FADS2: variants seen among roughly 807,000 people sequenced by gnomAD.
FADS2 encodes fatty acid desaturase 2.
Under a neutral mutation model 61.2 loss-of-function variants are expected in FADS2, and 18 were observed. The observed-to-expected ratio is 0.29, with a 90% CI of 0.20 to 0.44. The LOEUF (loss-of-function observed/expected upper bound fraction) is 0.44, where lower values mean the gene tolerates loss of function less well. Ranked by LOEUF, FADS2 falls within the 20% of genes least tolerant of loss-of-function variation. The pLI is 1.00. For missense variants in FADS2, 322 were observed against 572.7 expected, an observed-to-expected ratio of 0.56 and a Z score of 4.47; for synonymous variants, 203 against 223.9, an observed-to-expected ratio of 0.91 and a Z score of 0.83.
intron 1 of FADS2, among the ~76,000 whole-genome samples, chr11:61,819,109 C>T (rs755037118): frequency 5.9e-5 from 9 of 152,038 alleles, no homozygotes; most frequent in African/African-American, 1.7e-4. Context: ...CTCCTGACCT[C>T]GTGATCTGCC....
At position 61,865,672 on chromosome 11, in the gene FADS2, G is replaced by A; in HGVS notation, c.1318G>A (p.Ala440Thr). The change falls in exon 12 of 12, where the codon GCC becomes ACC. Residue 440 changes from alanine to threonine, a missense_variant. Around this residue, in one of 3 missense-constraint regions of FADS2, gnomAD observed 221 missense variants for 427.9 expected, o/e 0.52. Transcript: ENST00000278840. This position sits in a 1 kb window ranked among gnomAD's most constrained non-coding sequence, Gnocchi z 4.1. ...GAAGTCTGGGAAGCTGTGGCTGGAC[G>A]CCTACCTTCACAAATGAAGCCACAG... Reference protein sequence around the residue: ...LKKSGKLWLDAYLHK With the variant: ...LKKSGKLWLDTYLHK 6.2e-7 allele frequency: 1 copy of A among 1,612,340 alleles called. No homozygotes were observed. The highest frequency in any genetic ancestry group is 2.2e-5 in the East Asian group (1 of 44,846).
chr11:61,821,483 T>C, intron 1 of FADS2: 3 of 695,672 alleles, frequency 4.3e-6, no homozygotes, highest in Middle Eastern at 2.3e-4. Flanking sequence ...GTTCAAATTT[T>C]GATCCATTTT....
At chr11:61,827,142 C>A (rs1021370569), upstream of FADS2, among the ~76,000 whole-genome samples, 1 of 152,202 alleles carries the variant, frequency 6.6e-6, no homozygotes, top group African/African-American at 2.4e-5. The surrounding 1 kb of genome is among the most constrained non-coding windows in gnomAD (Gnocchi z 4.5). Context: ...CCCCAGGACG[C>A]CCGGCACTAA....
chr11:61,827,249 T>C (rs1462160014), upstream of FADS2: 2 of 152,252 alleles, frequency 1.3e-5, no homozygotes, highest in African/African-American at 4.8e-5. The surrounding 1 kb of genome is among the most constrained non-coding windows in gnomAD (Gnocchi z 4.5). Flanking sequence ...CAGTCTTTAT[T>C]TGCTGGAGTC....
In FADS2 at chr11:61,865,834, C is replaced by T; in HGVS notation, c.*145C>T. 1 of 684,126 alleles carries T rather than the reference C, an allele frequency of 1.5e-6. No homozygotes were observed. Among genetic ancestry groups the T allele is most frequent in the Non-Finnish European group, 2.5e-6 (1 of 392,518 alleles). 42.4% of individuals were successfully genotyped at this position (684,126 alleles called of 1,614,324 possible). A position where few individuals can be genotyped will look rare whatever the true frequency, so the allele number is the denominator to read the frequency against. On this transcript the variant is annotated 3_prime_UTR_variant, in exon 12 of 12. Coordinates refer to ENST00000278840, the MANE Select transcript of FADS2 (RefSeq NM_004265.4). The surrounding 1 kb of genome is among the most constrained non-coding windows in gnomAD (Gnocchi z 4.1). Reference sequence around the variant, plus strand: ...CATGTTGGATCTTTCTCCCTTTCTCCTCTCCTTTTTCTCTTCACATCTCCC... The same window carrying T: ...CATGTTGGATCTTTCTCCCTTTCTCTTCTCCTTTTTCTCTTCACATCTCCC...
At chr11:61,864,126 T>A in intron 10 of FADS2, 12 of 256,734 alleles carry the variant, frequency 4.7e-5, no homozygotes, top group East Asian at 7.1e-5. Context: ...GTAGCTTGCC[T>A]GGAACATCGG....
intron 5 of FADS2, among the ~76,000 whole-genome samples, chr11:61,852,461 A>G (rs1463306676): frequency 6.6e-6 from 1 of 152,020 alleles, no homozygotes; most frequent in Admixed American, 6.6e-5. Flanking sequence ...GGGTTTCACC[A>G]TGTTGGCCAG....
chr11:61,830,613 A>G (rs1310479870), intron 1 of FADS2, among the ~76,000 whole-genome samples: 1 of 152,236 alleles, frequency 6.6e-6, no homozygotes, highest in Non-Finnish European at 1.5e-5. Context: ...TAAATCTGGT[A>G]TCTTGGATGT....
chr11:61,863,498 T>C, intron 9 of FADS2, 120 bp downstream of exon 9: 1 of 844,640 alleles, frequency 1.2e-6, no homozygotes, highest in Non-Finnish European at 1.9e-6. Flanking sequence ...TGTGTCCTTT[T>C]GCTGGGAGCT....
rs997678193 is a variant in FADS2 at position 61,866,091 on chromosome 11, G to T, written c.*402G>T. ...GGTCACTAGGCATCACCCCCGCTTT[G>T]GTTCTTCAGATGCTCTTGGGGTTCA... is the stretch of plus-strand genomic sequence containing the variant. On this transcript the variant is annotated 3_prime_UTR_variant, in exon 12 of 12. Transcript: ENST00000278840. The T allele has an allele frequency of 2.0e-5, 8 of 404,274 alleles. No homozygotes were observed. Among genetic ancestry groups the T allele is most frequent in the Non-Finnish European group, 3.0e-5 (7 of 229,812 alleles). 25.0% of individuals were successfully genotyped at this position (404,274 alleles called of 1,614,324 possible).
intron 1 of FADS2, among the ~76,000 whole-genome samples, chr11:61,830,466 A>G (rs2067119562): frequency 6.6e-6 from 1 of 152,188 alleles, no homozygotes; most frequent in African/African-American, 2.4e-5. Context: ...CCCTCCAAAA[A>G]TCAGTGCTCA....
intron 1 of FADS2, among the ~76,000 whole-genome samples, chr11:61,822,138 T>G (rs185399565): frequency 1.2e-3 from 188 of 152,250 alleles, no homozygotes; most frequent in African/African-American, 4.1e-3. Context: ...CCTGGCTAAT[T>G]TTTTGTATTT....
intron 7 of FADS2, among the ~76,000 whole-genome samples, chr11:61,860,517 T>A (rs1468174695): frequency 6.6e-6 from 1 of 152,234 alleles, no homozygotes; most frequent in Non-Finnish European, 1.5e-5. Context: ...CCACCTCTGC[T>A]GGCTTCTTCC....
Position 61,839,410 on chromosome 11 carries a change from G to A in FADS2, c.319-924G>A, listed in dbSNP as rs570673683. Among the ~76,000 whole-genome samples, 38 of 151,040 alleles carry A rather than the reference G, an allele frequency of 2.5e-4. No homozygotes were observed. The East Asian group carries it at 4.9e-3, about 19-fold the overall frequency. On this transcript the variant is annotated intron_variant, in intron 2 of 11. Transcript: ENST00000278840. Reference sequence around the variant, plus strand: ...ACCATCTCGGCTCACTGCAACCTCCGCCTCCAGGTTCAAGCAGTTCTCCTG... The same window carrying A: ...ACCATCTCGGCTCACTGCAACCTCCACCTCCAGGTTCAAGCAGTTCTCCTG...
chr11:61,835,560 A>ATTT (rs57778794), intron 1 of FADS2, among the ~76,000 whole-genome samples: 1 of 139,002 alleles, frequency 7.2e-6, no homozygotes. Flanking sequence ...CACCTGGCTA[A>ATTT]TTTTTTTTTT....
At chr11:61,852,897 G>A (rs1049154106) in intron 5 of FADS2, among the ~76,000 whole-genome samples, 10 of 152,146 alleles carry the variant, frequency 6.6e-5, no homozygotes, top group African/African-American at 2.4e-4. Flanking sequence ...GCTCACATCT[G>A]TAATCCCAGC....
upstream of FADS2, chr11:61,826,172 G>T: frequency 1.4e-6 from 1 of 702,614 alleles, no homozygotes; most frequent in Non-Finnish European, 2.6e-6. Context: ...TACTGAGGCT[G>T]CTGGGGCTTT....
Position 61,865,142 on chromosome 11 carries a change from C to T in FADS2, c.1158-10C>T. ...GTCCTCACGCTCTGCCCACCCTACA[C>T]ACTCCTCAGCCTCTTCCCCACCATG... is the stretch of plus-strand genomic sequence containing the variant. On this transcript the variant is annotated splice_polypyrimidine_tract_variant and intron_variant, in intron 10 of 11. Coordinates refer to ENST00000278840, the MANE Select transcript of FADS2 (RefSeq NM_004265.4). The surrounding 1 kb of genome is among the most constrained non-coding windows in gnomAD (Gnocchi z 4.1). 1 of 1,612,076 alleles carries T rather than the reference C, an allele frequency of 6.2e-7. No individual in the cohort carries two copies. Among genetic ancestry groups the T allele is most frequent in the Non-Finnish European group, 8.5e-7 (1 of 1,179,128 alleles).
At chr11:61,829,775 A>G (rs1304955616) in intron 1 of FADS2, among the ~76,000 whole-genome samples, 3 of 152,084 alleles carry the variant, frequency 2.0e-5, no homozygotes, top group Non-Finnish European at 4.4e-5. Context: ...AGGATGCCCA[A>G]CTGTTGGTGG....
Sources: gnomAD v4.1 joint callset for allele counts (sites outside exome capture counted in the v4.1 genomes callset) on GRCh38, gnomAD v4.1.1 for gene constraint, gnomAD v4.1.1 regional missense constraint, Gnocchi (gnomAD v3.1) non-coding constraint, MANE v1.5 for transcripts, NCBI Gene and HGNC (gene_info 2026-07-23, HGNC 2026-07-21) for gene names.